Variants in CNIH4 observed in about 807,000 individuals in gnomAD.
The protein encoded by CNIH4 is protein cornichon homolog 4.
CNIH4 carries 9 observed loss-of-function variants against 21.5 expected under a neutral mutation model. That is an observed-to-expected ratio of 0.42 (90% CI 0.25 to 0.73). CNIH4 has a LOEUF of 0.73. Ranked by LOEUF, CNIH4 falls within the 30% of genes least tolerant of loss-of-function variation. The pLI, the probability that CNIH4 is intolerant of heterozygous loss-of-function variation, is 0.27. For synonymous variants in CNIH4, 67 were observed against 59.1 expected, an observed-to-expected ratio of 1.13 and a Z score of -0.61; for missense variants, 159 against 170.0, an observed-to-expected ratio of 0.94 and a Z score of 0.36.
At position 224,365,873 on chromosome 1, in the gene CNIH4, T is replaced by C. The variant is rs568773088; in HGVS notation, c.139-6T>C. 3 of 1,527,342 alleles carry C rather than the reference T, an allele frequency of 2.0e-6. No homozygotes were observed. In the South Asian group the frequency reaches 3.4e-5, roughly 17 times the overall value. The allele number at this position is 1,527,342 out of a possible 1,614,324, so 94.6% of individuals were successfully genotyped here. A position where few individuals can be genotyped will look rare whatever the true frequency, so the allele number is the denominator to read the frequency against. On this transcript the variant is annotated splice_region_variant and splice_polypyrimidine_tract_variant and intron_variant, in intron 2 of 4. Transcript: ENST00000465271. ...TGAGATGTAATACTGTGTTCTTCCA[T>C]TGCAGTGGGTAATTCCAGAATTGAT...
intron 1 of CNIH4, among the ~76,000 whole-genome samples, chr1:224,358,582 A>AC (rs1672184023): frequency 6.6e-6 from 1 of 151,604 alleles, no homozygotes; most frequent in African/African-American, 2.4e-5. Flanking sequence ...TTTTTTGGTG[A>AC]TTTTTTTTTA....
rs1672814015 is a variant in CNIH4 at position 224,377,513 on chromosome 1, T to C, written c.*1691T>C. On this transcript the variant is annotated 3_prime_UTR_variant, in exon 5 of 5. Transcript: ENST00000465271. ...TTTTTTTTTTTTTTTTGAGATGGGGTCTTGCTGTGTTGCCCAGGCTGGAGT... is the reference window on the plus strand; with the variant it reads ...TTTTTTTTTTTTTTTTGAGATGGGGCCTTGCTGTGTTGCCCAGGCTGGAGT... The C allele has an allele frequency of 7.1e-6, 1 of 140,788 alleles. No individual in the cohort carries two copies. The highest frequency in any genetic ancestry group is 3.7e-3 in the Middle Eastern group (1 of 270). The allele number at this position is 140,788 out of a possible 1,614,324, so 8.7% of individuals were successfully genotyped here.
rs370191363 is a variant in CNIH4 at position 224,366,000 on chromosome 1, AGTTT to A, written c.251+14_251+17del. 66 of 1,524,138 alleles carry A rather than the reference AGTTT, an allele frequency of 4.3e-5. No homozygotes were observed. In the African/African-American group the frequency reaches 7.1e-4, roughly 16 times the overall value. The allele number at this position is 1,524,138 out of a possible 1,614,324, so 94.4% of individuals were successfully genotyped here. On this transcript the variant is annotated intron_variant, in intron 3 of 4. Transcript: ENST00000465271. ...ACTTGGAATATATATCGGTGAGTAT[AGTTT>A]GTTTACTTTGGTGTCAAGGTAGTTA... is the stretch of plus-strand genomic sequence containing the variant.
chr1:224,360,386 T>G (rs1672244860), intron 1 of CNIH4, 109 bp from the exon 2 acceptor site: 1 of 542,048 alleles, frequency 1.8e-6, no homozygotes, highest in African/African-American at 2.0e-5. Flanking sequence ...AAACAACTCA[T>G]TTTTTTCAAG....
rs760050778 is a variant in CNIH4 at position 224,371,439 on chromosome 1, T to A, written c.392+16T>A. ...ATCTTTATAGGTGAGTTTAAAGTCC[T>A]GGTATTTTCCTAGATGCCATATTTG... is the stretch of plus-strand genomic sequence containing the variant. On this transcript the variant is annotated intron_variant, in intron 4 of 4. Transcript: ENST00000465271. 6.2e-7 allele frequency: 1 copy of A among 1,605,680 alleles called. No homozygotes were observed. Among genetic ancestry groups the A allele is most frequent in the East Asian group, 2.2e-5 (1 of 44,756 alleles).
intron 3 of CNIH4, 38 bp downstream of exon 3, chr1:224,366,029 A>T (rs1398509263): frequency 8.1e-6 from 10 of 1,239,870 alleles, no homozygotes; most frequent in Non-Finnish European, 9.4e-6. Flanking sequence ...CAAGGTAGTT[A>T]AAAAAAAATT....
chr1:224,372,656 C>T (rs905042351), intron 4 of CNIH4, among the ~76,000 whole-genome samples: 5 of 151,944 alleles, frequency 3.3e-5, no homozygotes, highest in African/African-American at 1.2e-4. Flanking sequence ...AGTCTCGGCT[C>T]ACTGCAACCT....
At chr1:224,356,849 G>A (rs1278850522), upstream of CNIH4, 15 of 1,295,504 alleles carry the variant, frequency 1.2e-5, no homozygotes, top group Admixed American at 2.0e-5. Context: ...AGCCAGCCCC[G>A]GCAAGGGCCT....
At chr1:224,368,678 A>G (rs1672535877) in intron 3 of CNIH4, among the ~76,000 whole-genome samples, 2 of 150,386 alleles carry the variant, frequency 1.3e-5, no homozygotes, top group South Asian at 4.2e-4. Flanking sequence ...TTTTTTCGAG[A>G]TAGAGTCTCA....
intron 2 of CNIH4, among the ~76,000 whole-genome samples, chr1:224,362,720 C>T (rs1472240665): frequency 6.6e-6 from 1 of 152,116 alleles, no homozygotes; most frequent in Non-Finnish European, 1.5e-5. Context: ...GTCTTGATCT[C>T]CTGACCTCGT....
Position 224,379,283 on chromosome 1 carries a change from C to A in CNIH4, c.*3461C>A. On this transcript the variant is annotated 3_prime_UTR_variant, in exon 5 of 5. Coordinates refer to ENST00000465271, the MANE Select transcript of CNIH4 (RefSeq NM_014184.4). ...GTAGTATCTCCCATGGCACTTACCA[C>A]ATTCTATCTGGTATTACAGTTATTT... The A allele has an allele frequency of 1.6e-6, 1 of 606,732 alleles. No homozygotes were observed. 37.6% of individuals were successfully genotyped at this position (606,732 alleles called of 1,614,324 possible). A position where few individuals can be genotyped will look rare whatever the true frequency, so the allele number is the denominator to read the frequency against.
intron 1 of CNIH4, among the ~76,000 whole-genome samples, chr1:224,360,159 T>G (rs1255636053): frequency 6.6e-6 from 1 of 151,366 alleles, no homozygotes; most frequent in Admixed American, 6.6e-5. Flanking sequence ...GATCTTGAAC[T>G]CCTGCTTCAG....
intron 1 of CNIH4, among the ~76,000 whole-genome samples, chr1:224,358,738 C>T (rs535795784): frequency 3.2e-4 from 49 of 152,248 alleles, no homozygotes; most frequent in Middle Eastern, 6.8e-3. Flanking sequence ...TTTCTTTTTG[C>T]AGTTTGGAAA....
chr1:224,362,159 C>A (rs1672311054), intron 2 of CNIH4, among the ~76,000 whole-genome samples: 2 of 151,410 alleles, frequency 1.3e-5, no homozygotes, highest in South Asian at 2.1e-4. Context: ...TGGCTCACTG[C>A]AAGCTCTGCC....
intron 2 of CNIH4, among the ~76,000 whole-genome samples, chr1:224,364,770 T>TA (rs1047192759): frequency 1.3e-5 from 2 of 151,984 alleles, no homozygotes; most frequent in African/African-American, 4.8e-5. Flanking sequence ...CCGTCTCTAC[T>TA]AAAAAATACA....
chr1:224,364,307 A>G (rs1051385256), intron 2 of CNIH4: 8 of 985,304 alleles, frequency 8.1e-6, no homozygotes, highest in Non-Finnish European at 9.6e-6. Context: ...AGCCTACAGT[A>G]AGAAATCCAG....
intron 3 of CNIH4, among the ~76,000 whole-genome samples, chr1:224,368,281 G>A (rs61827773): frequency 1.3e-5 from 2 of 152,272 alleles, no homozygotes; most frequent in South Asian, 4.1e-4. Flanking sequence ...GCAGTGAGCC[G>A]AGATTGCACC....
At position 224,365,964 on chromosome 1, in the gene CNIH4, T is replaced by TA; in HGVS notation, c.225dup (p.Pro76ThrfsTer17). 6.2e-7 allele frequency: 1 copy of TA among 1,605,586 alleles called. No homozygotes were observed. The highest frequency in any genetic ancestry group is 8.5e-7 in the Non-Finnish European group (1 of 1,172,158). On this transcript the variant is annotated frameshift_variant, in exon 3 of 5. Coordinates refer to ENST00000465271, the MANE Select transcript of CNIH4 (RefSeq NM_014184.4). LOFTEE classifies it high-confidence loss of function. ...CACTGGTTCATCTTCCTTCTCAACT[T>TA]ACCTGTTGCCACTTGGAATATATAT... is the stretch of plus-strand genomic sequence containing the variant.
intron 4 of CNIH4, among the ~76,000 whole-genome samples, chr1:224,375,138 C>T (rs909301072): frequency 1.8e-4 from 27 of 152,160 alleles, no homozygotes; most frequent in African/African-American, 5.3e-4. Context: ...AGAACCCCTA[C>T]GGTAAAAGCT....
Sources: gnomAD v4.1 joint callset for allele counts (sites outside exome capture counted in the v4.1 genomes callset) on GRCh38, gnomAD v4.1.1 for gene constraint, MANE v1.5 for transcripts, NCBI Gene and HGNC (gene_info 2026-07-23, HGNC 2026-07-21) for gene names.